The following AUTS2 variants were observed in gnomAD, a reference collection of about 807,000 sequenced individuals.
AUTS2 encodes the protein autism susceptibility gene 2 protein.
Under a neutral mutation model 112.4 loss-of-function variants are expected in AUTS2, and 17 were observed. That is an observed-to-expected ratio of 0.15 (90% CI 0.10 to 0.23). The LOEUF (loss-of-function observed/expected upper bound fraction) is 0.23. Ranked by LOEUF, AUTS2 falls within the 10% of genes least tolerant of loss-of-function variation. The probability of loss-of-function intolerance (pLI) is 1.00; values close to 1 mark genes in which losing one functional copy is unlikely to be tolerated. For missense variants in AUTS2, 1,510 were observed against 1,701.6 expected (o/e 0.89, Z 1.98); for synonymous variants, 751 against 702.7 (o/e 1.07, Z -1.09).
chr7:70,163,975 G>A (rs916770230), intron 4 of AUTS2, among the ~76,000 whole-genome samples: 5 of 152,174 alleles, frequency 3.3e-5, no homozygotes, highest in Admixed American at 2.6e-4. Context: ...TAACAGGCTT[G>A]CAGTCTACTG....
intron 2 of AUTS2, among the ~76,000 whole-genome samples, chr7:70,100,510 T>C (rs2129569297): frequency 6.6e-6 from 1 of 152,052 alleles, no homozygotes; most frequent in East Asian, 1.9e-4. Context: ...ACCTGTGTCA[T>C]GTTGGTTTGT....
At chr7:69,996,754 C>G (rs1382864604) in intron 2 of AUTS2, among the ~76,000 whole-genome samples, 1 of 150,992 alleles carries the variant, frequency 6.6e-6, no homozygotes, top group East Asian at 1.9e-4. Context: ...TAAATACTCC[C>G]CTGCTATATT....
At chr7:70,091,542 A>G (rs1480696983) in intron 2 of AUTS2, among the ~76,000 whole-genome samples, 3 of 152,158 alleles carry the variant, frequency 2.0e-5, no homozygotes, top group Admixed American at 6.6e-5. Context: ...TCAAGTCTCG[A>G]CACTTGGAAA....
At chr7:70,030,906 T>C (rs758192117) in intron 2 of AUTS2, among the ~76,000 whole-genome samples, 5 of 152,146 alleles carry the variant, frequency 3.3e-5, no homozygotes, top group Non-Finnish European at 7.4e-5. Flanking sequence ...TGAGACTGCA[T>C]TGTTGTCTTG....
chr7:70,472,184 C>T (rs181709580), intron 5 of AUTS2, among the ~76,000 whole-genome samples: 7 of 152,278 alleles, frequency 4.6e-5, no homozygotes, highest in East Asian at 1.9e-4. Context: ...AGTCCTTTGG[C>T]GTAGCTTTTA....
chr7:69,923,553 T>C (rs147442788), intron 2 of AUTS2, among the ~76,000 whole-genome samples: 212 of 152,318 alleles, frequency 1.4e-3, no homozygotes, highest in Non-Finnish European at 2.5e-3. Flanking sequence ...TTGGGGAGAA[T>C]TGACAGTTTA....
chr7:70,225,829 T>C (rs1303639480), intron 4 of AUTS2, among the ~76,000 whole-genome samples: 1 of 152,200 alleles, frequency 6.6e-6, no homozygotes, highest in African/African-American at 2.4e-5. Flanking sequence ...GTTCATGTAA[T>C]TTCTTTTCTC....
At position 69,780,450 on chromosome 7, in the gene AUTS2, A is replaced by G. The variant is rs991680624; in HGVS notation, c.310-118836A>G. Among the ~76,000 whole-genome samples, 7 of 152,358 alleles carry G rather than the reference A, an allele frequency of 4.6e-5. No homozygotes were observed. In the East Asian group the frequency reaches 1.2e-3, roughly 25 times the overall value. On this transcript the variant is annotated intron_variant, in intron 1 of 18. Coordinates refer to ENST00000342771, the MANE Select transcript of AUTS2 (RefSeq NM_015570.4). Reference sequence around the variant, plus strand: ...AGAAAAGGCTGTCTTGTGTTGTGATAGGGCCATGCTCCATCCACAGGTCCT... The same window carrying G: ...AGAAAAGGCTGTCTTGTGTTGTGATGGGGCCATGCTCCATCCACAGGTCCT...
At chr7:70,636,083 G>A (rs554540657) in intron 5 of AUTS2, among the ~76,000 whole-genome samples, 6 of 152,268 alleles carry the variant, frequency 3.9e-5, no homozygotes, top group East Asian at 1.9e-4. Flanking sequence ...TTATGTCTCC[G>A]GCAGGTCTTC....
intron 1 of AUTS2, among the ~76,000 whole-genome samples, chr7:69,780,729 G>A (rs1411246408): frequency 1.3e-5 from 2 of 152,180 alleles, no homozygotes; most frequent in African/African-American, 2.4e-5. Flanking sequence ...AGGGACAAAT[G>A]GTCACTGGTG....
intron 1 of AUTS2, among the ~76,000 whole-genome samples, chr7:69,662,467 T>G (rs989385832): frequency 3.9e-5 from 6 of 152,158 alleles, no homozygotes; most frequent in Admixed American, 3.9e-4. Flanking sequence ...CAGATACCAG[T>G]AGCACCCCTC....
intron 5 of AUTS2, among the ~76,000 whole-genome samples, chr7:70,511,038 G>A (rs1285072029): frequency 3.9e-5 from 6 of 151,940 alleles, no homozygotes; most frequent in Non-Finnish European, 8.8e-5. Flanking sequence ...TTGTAGAGAC[G>A]AGGTTTCGCC....
At chr7:69,688,872 T>C (rs531143222) in intron 1 of AUTS2, among the ~76,000 whole-genome samples, 24 of 152,364 alleles carry the variant, frequency 1.6e-4, no homozygotes, top group African/African-American at 5.5e-4. Flanking sequence ...ATACATATTT[T>C]ATATTTGTTC....
chr7:70,039,509 C>A lies in AUTS2; in HGVS notation c.523-78623C>A, dbSNP rs572086800. ...TCCCTAGTAGCTGGGATTACAGGCG[C>A]CTGACTAATTTTTGTATTTTTAGTA... On this transcript the variant is annotated intron_variant, in intron 2 of 18. Transcript: ENST00000342771. Among the ~76,000 whole-genome samples the A allele has an allele frequency of 4.6e-5, 7 of 152,158 alleles. No individual in the cohort carries two copies. In the South Asian group the frequency reaches 1.0e-3, roughly 23 times the overall value.
At position 70,596,237 on chromosome 7, in the gene AUTS2, C is replaced by G. The variant is rs376207783; in HGVS notation, c.691-102332C>G. On this transcript the variant is annotated intron_variant, in intron 5 of 18. Transcript: ENST00000342771. ...AGGCATCCGCGAGCCGCGGGTAGAT[C>G]GCTCGCGTCTGATCGCCGCCCGGGA... 5.2e-5 allele frequency: 8 copies of G among 152,420 alleles called. 1 individual carries two copies. Among genetic ancestry groups the G allele is most frequent in the Admixed American group, 1.3e-4 (2 of 15,272 alleles). 9.4% of individuals were successfully genotyped at this position (152,420 alleles called of 1,614,324 possible).
rs71549378 is a variant in AUTS2, at chr7:70,790,753, C to G, written c.3537C>G (p.Leu1179=). The G allele has an allele frequency of 6.2e-7, 1 of 1,613,402 alleles. No individual in the cohort carries two copies. The highest frequency in any genetic ancestry group is 8.5e-7 in the Non-Finnish European group (1 of 1,179,874). The change falls in exon 19 of 19, where the codon CTC becomes CTG. Residue 1179 remains leucine, a synonymous_variant. Transcript: ENST00000342771. This position sits in a 1 kb window ranked among gnomAD's most constrained non-coding sequence, Gnocchi z 7.6. ...ACCCCGCCTCCCTCGACGGACACCT[C>G]CCCCACCCCAGCCTCATCACCCCGG... The part of the protein sequence containing the change: ...SVHPASLDGH[L]PHPSLITPGL...
At chr7:70,063,708 T>C (rs1301798176) in intron 2 of AUTS2, among the ~76,000 whole-genome samples, 1 of 152,230 alleles carries the variant, frequency 6.6e-6, no homozygotes, top group Non-Finnish European at 1.5e-5. Flanking sequence ...TTCTCTCTTT[T>C]CTTCTTTGAA....
intron 5 of AUTS2, among the ~76,000 whole-genome samples, chr7:70,484,606 G>T (rs1797914269): frequency 6.6e-6 from 1 of 152,300 alleles, no homozygotes; most frequent in East Asian, 1.9e-4. Context: ...CTGTGGGGAT[G>T]AATGAGACAG....
At chr7:70,053,410 C>T (rs1407038792) in intron 2 of AUTS2, among the ~76,000 whole-genome samples, 1 of 152,164 alleles carries the variant, frequency 6.6e-6, no homozygotes, top group African/African-American at 2.4e-5. Flanking sequence ...ATCCCTGGGC[C>T]AGGCACCAAA....
Sources: allele counts gnomAD v4.1 joint callset (sites outside exome capture counted in the v4.1 genomes callset), GRCh38; gene constraint gnomAD v4.1.1; non-coding constraint Gnocchi (gnomAD v3.1); transcripts MANE v1.5; gene names NCBI Gene and HGNC (gene_info 2026-07-23, HGNC 2026-07-21).